The following ARFGAP3 variants were observed in gnomAD, a reference collection of about 807,000 sequenced individuals.
The protein encoded by ARFGAP3 is ADP-ribosylation factor GTPase-activating protein 3.
Under a neutral mutation model 75.0 loss-of-function variants are expected in ARFGAP3, and 72 were observed. That is an observed-to-expected ratio of 0.96 (90% CI 0.79 to 1.17). The LOEUF (loss-of-function observed/expected upper bound fraction) is 1.17. ARFGAP3 is among the 50% of genes most tolerant of loss of function. The pLI, the probability that ARFGAP3 is intolerant of heterozygous loss-of-function variation, is 0.00. For synonymous variants in ARFGAP3, 221 were observed against 217.9 expected (o/e 1.01, Z -0.13); for missense variants, 620 against 626.6 (o/e 0.99, Z 0.11).
Position 42,810,395 on chromosome 22 carries a change from C to T in ARFGAP3, c.1196+418G>A, listed in dbSNP as rs141121854. Among the ~76,000 whole-genome samples, 756 of 152,124 alleles carry T rather than the reference C, an allele frequency of 5.0e-3. 1 individual carries two copies. Among genetic ancestry groups the T allele is most frequent in the African/African-American group, 0.016 (661 of 41,490 alleles). On this transcript the variant is annotated intron_variant, in intron 12 of 15. Transcript: ENST00000263245. ...AGGAGAATCGCTTGAACCTGGGAGA[C>T]GGAGGCTGCAGTAAGCTGAGATTGC... is the stretch of plus-strand genomic sequence containing the variant.
chr22:42,828,135 G>A (rs1194900245), intron 6 of ARFGAP3, among the ~76,000 whole-genome samples: 1 of 150,926 alleles, frequency 6.6e-6, no homozygotes, highest in East Asian at 2.0e-4. Context: ...AAAATACAAA[G>A]ATGAGGGCCA....
intron 14 of ARFGAP3, among the ~76,000 whole-genome samples, chr22:42,805,038 G>C (rs1454896046): frequency 6.6e-6 from 1 of 152,164 alleles, no homozygotes; most frequent in African/African-American, 2.4e-5. Context: ...GGCTGAGGAG[G>C]GAGGTTTGCT....
intron 14 of ARFGAP3, among the ~76,000 whole-genome samples, chr22:42,806,314 A>G (rs1452109770): frequency 1.4e-5 from 2 of 137,954 alleles, no homozygotes; most frequent in Non-Finnish European, 3.3e-5. Flanking sequence ...CTCACAAGGC[A>G]TCCCTCAGTC....
Position 42,843,476 on chromosome 22 carries a change from C to T in ARFGAP3, c.189-2460G>A, listed in dbSNP as rs966667900. Among the ~76,000 whole-genome samples the T allele has an allele frequency of 2.6e-5, 4 of 152,204 alleles. No homozygotes were observed. In the East Asian group the frequency reaches 7.7e-4, roughly 29 times the overall value. ...TCTTAAACTCCTGGGCTCAAGCTAT[C>T]CTCCCACCCCGGCCTCCCAAGTGCT... On this transcript the variant is annotated intron_variant, in intron 2 of 15. Transcript: ENST00000263245.
At chr22:42,827,147 C>A in intron 6 of ARFGAP3, 148 bp from the exon 7 acceptor site, 2 of 1,287,288 alleles carry the variant, frequency 1.6e-6, no homozygotes, top group Non-Finnish European at 1.0e-6. Flanking sequence ...TCTATTTTAA[C>A]GTTATAAGAA....
chr22:42,855,151 C>G (rs1462312091), intron 1 of ARFGAP3, among the ~76,000 whole-genome samples: 4 of 152,124 alleles, frequency 2.6e-5, no homozygotes, highest in Admixed American at 2.0e-4. Context: ...GTAACCTGTC[C>G]AAGGGTGACA....
chr22:42,800,149 G>GTT (rs1924791428), intron 14 of ARFGAP3, among the ~76,000 whole-genome samples: 2 of 152,182 alleles, frequency 1.3e-5, no homozygotes, highest in African/African-American at 4.8e-5. Context: ...GAGGGGCTCA[G>GTT]TGAGCTCAAC....
intron 15 of ARFGAP3, 53 bp from the exon 16 acceptor site, chr22:42,797,658 C>A: frequency 6.2e-7 from 1 of 1,613,870 alleles, no homozygotes; most frequent in Non-Finnish European, 8.5e-7. Context: ...CGATCCCTGA[C>A]TCCCACGCCC....
At chr22:42,820,344 C>A (rs1281307865) in intron 9 of ARFGAP3, among the ~76,000 whole-genome samples, 1 of 148,850 alleles carries the variant, frequency 6.7e-6, no homozygotes, top group African/African-American at 2.4e-5. Flanking sequence ...CCATATTCGA[C>A]CTAAATACAG....
At chr22:42,843,530 G>A (rs920882804) in intron 2 of ARFGAP3, among the ~76,000 whole-genome samples, 3 of 151,948 alleles carry the variant, frequency 2.0e-5, no homozygotes, top group Non-Finnish European at 4.4e-5. Flanking sequence ...CACCATGCCC[G>A]GCCTTGTCTC....
At chr22:42,828,321 G>A (rs1926133432) in intron 6 of ARFGAP3, among the ~76,000 whole-genome samples, 2 of 151,996 alleles carry the variant, frequency 1.3e-5, no homozygotes, top group Non-Finnish European at 1.5e-5. Flanking sequence ...CACTTTGGGA[G>A]GCCAAGGGGG....
In ARFGAP3 at chr22:42,832,302, C is replaced by G. The variant is rs950266602; in HGVS notation, c.478-666G>C. ...CAGCATTTTGGGAGGCTGCGGCAGG[C>G]AGATCACCTGAGGTCAGGAGTTCGA... On this transcript the variant is annotated intron_variant, in intron 5 of 15. Transcript: ENST00000263245. Among the ~76,000 whole-genome samples the G allele has an allele frequency of 2.6e-5, 4 of 151,760 alleles. No homozygotes were observed. The East Asian group carries it at 5.8e-4, about 22-fold the overall frequency.
Position 42,857,203 on chromosome 22 carries a change from G to T in ARFGAP3, c.-21C>A. 6.6e-7 allele frequency: 1 copy of T among 1,506,248 alleles called. No individual in the cohort carries two copies. Among genetic ancestry groups the T allele is most frequent in the Non-Finnish European group, 8.9e-7 (1 of 1,124,496 alleles). 93.3% of individuals were successfully genotyped at this position (1,506,248 alleles called of 1,614,324 possible). A position where few individuals can be genotyped will look rare whatever the true frequency, so the allele number is the denominator to read the frequency against. ...CCCATCGTCAGCTGTGAGCCGCGGCGCAGCTGGCCCAGCCAACCGGTAAGA... is the reference window on the plus strand; with the variant it reads ...CCCATCGTCAGCTGTGAGCCGCGGCTCAGCTGGCCCAGCCAACCGGTAAGA... On this transcript the variant is annotated 5_prime_UTR_variant, in exon 1 of 16. Transcript: ENST00000263245.
chr22:42,829,564 G>T (rs1006630856), intron 6 of ARFGAP3, among the ~76,000 whole-genome samples: 1 of 152,156 alleles, frequency 6.6e-6, no homozygotes, highest in African/African-American at 2.4e-5. Context: ...AAAAATCACA[G>T]GGTGCAAATC....
chr22:42,802,140 C>T (rs1924889593), intron 14 of ARFGAP3, among the ~76,000 whole-genome samples: 1 of 151,962 alleles, frequency 6.6e-6, no homozygotes, highest in Non-Finnish European at 1.5e-5. Context: ...GAGCAGCAGC[C>T]AAGACTGGAG....
At chr22:42,800,300 TGGGA>T (rs1350109061) in intron 14 of ARFGAP3, among the ~76,000 whole-genome samples, 1 of 151,948 alleles carries the variant, frequency 6.6e-6, no homozygotes, top group Non-Finnish European at 1.5e-5. Flanking sequence ...GAGGCTGAGG[TGGGA>T]GGATCACTTG....
chr22:42,808,774 T>G lies in ARFGAP3; in HGVS notation c.1313A>C (p.Gln438Pro). The G allele has an allele frequency of 6.2e-7, 1 of 1,611,638 alleles. No individual in the cohort carries two copies. Among genetic ancestry groups the G allele is most frequent in the Non-Finnish European group, 8.5e-7 (1 of 1,178,492 alleles). ...SSDMYFGRQS[Q>P]ADYETRARLE... ...AACTCTCTGGACCCTTACATCAGCC[T>G]GGGATTGTCTTCCAAAATACATATC... The change falls in exon 13 of 16, where the codon CAG becomes CCG. Residue 438 changes from glutamine to proline, a missense_variant. Coordinates refer to ENST00000263245, the MANE Select transcript of ARFGAP3 (RefSeq NM_014570.5).
At chr22:42,837,209 C>T (rs1280950021) in intron 3 of ARFGAP3, among the ~76,000 whole-genome samples, 1 of 152,196 alleles carries the variant, frequency 6.6e-6, no homozygotes, top group African/African-American at 2.4e-5. Context: ...TGCCTGTAAT[C>T]CTAGCACTTT....
chr22:42,829,960 T>C (rs75865036), intron 6 of ARFGAP3, among the ~76,000 whole-genome samples: 8,822 of 152,296 alleles, frequency 0.058, 362 homozygotes, highest in Non-Finnish European at 0.082. Flanking sequence ...AAATAACCCA[T>C]TGTTACCTAG....
Sources: gnomAD v4.1 joint callset for allele counts (sites outside exome capture counted in the v4.1 genomes callset) on GRCh38, gnomAD v4.1.1 for gene constraint, MANE v1.5 for transcripts, NCBI Gene and HGNC (gene_info 2026-07-23, HGNC 2026-07-21) for gene names.